The following SEMA3C variants were observed in gnomAD, a reference collection of about 807,000 sequenced individuals.
The protein encoded by SEMA3C is semaphorin 3C.
A neutral mutation model predicts 89.4 loss-of-function variants in SEMA3C; 47 were observed. That is an observed-to-expected ratio of 0.53 (90% confidence interval 0.42 to 0.67). The LOEUF (loss-of-function observed/expected upper bound fraction) is 0.67. Ranked by LOEUF, SEMA3C falls within the 30% of genes least tolerant of loss-of-function variation. The pLI is 0.00. For missense variants in SEMA3C, 839 were observed against 929.1 expected (o/e 0.90, Z 1.26); for synonymous variants, 310 against 320.2 (o/e 0.97, Z 0.34).
At chr7:80,775,208 C>A (rs958955880) in intron 12 of SEMA3C, among the ~76,000 whole-genome samples, 1 of 151,970 alleles carries the variant, frequency 6.6e-6, no homozygotes, top group African/African-American at 2.4e-5. Flanking sequence ...CTAAAGGATG[C>A]CTTTTAGTCT....
chr7:80,763,614 A>G (rs3807099), intron 13 of SEMA3C, among the ~76,000 whole-genome samples: 4,905 of 152,310 alleles, frequency 0.032, 113 homozygotes, highest in South Asian at 0.066. Context: ...GTTTCTTTCC[A>G]TAACATGTAT....
At chr7:80,810,207 T>C (rs1001223174) in intron 6 of SEMA3C, among the ~76,000 whole-genome samples, 1 of 151,996 alleles carries the variant, frequency 6.6e-6, no homozygotes, top group African/African-American at 2.4e-5. Flanking sequence ...TATAAATATA[T>C]ACAATTATTA....
chr7:80,918,152 G>T (rs889453535), intron 1 of SEMA3C: 3 of 152,080 alleles, frequency 2.0e-5, no homozygotes, highest in Non-Finnish European at 4.4e-5. Context: ...GATTTTATGG[G>T]TGACTTTCCC....
At chr7:80,908,142 C>T in intron 2 of SEMA3C, among the ~76,000 whole-genome samples, 1 of 152,122 alleles carries the variant, frequency 6.6e-6, no homozygotes, top group East Asian at 1.9e-4. Context: ...ATGTAATAGT[C>T]TGTATCATTT....
intron 7 of SEMA3C, 96 bp downstream of exon 7, chr7:80,805,543 T>A (rs945366023): frequency 5.8e-6 from 6 of 1,035,770 alleles, no homozygotes; most frequent in Non-Finnish European, 8.3e-6. Flanking sequence ...AGCCTGCTAT[T>A]TTAGTTTTTA....
intron 11 of SEMA3C, chr7:80,793,311 C>T: frequency 4.3e-6 from 1 of 230,692 alleles, no homozygotes; most frequent in South Asian, 4.9e-5. Flanking sequence ...TAAATATCTG[C>T]TGCCTTCTGA....
chr7:80,796,993 TCAA>T lies in SEMA3C; in HGVS notation c.1131+1096_1131+1098del, dbSNP rs536998520. On this transcript the variant is annotated intron_variant, in intron 11 of 17. Coordinates refer to ENST00000265361, the MANE Select transcript of SEMA3C (RefSeq NM_006379.5). ...ACTCTAATAAGAAAAATAAAATGAA[TCAA>T]CAATTAGTAAAAATTATATGGGATA... Among the ~76,000 whole-genome samples the T allele has an allele frequency of 1.1e-3, 161 of 152,006 alleles. 1 individual carries two copies. Among genetic ancestry groups the T allele is most frequent in the South Asian group, 7.0e-3 (34 of 4,824 alleles).
chr7:80,791,945 T>C (rs1788949542), intron 11 of SEMA3C, among the ~76,000 whole-genome samples: 1 of 152,166 alleles, frequency 6.6e-6, no homozygotes, highest in South Asian at 2.1e-4. Flanking sequence ...TTTGACCAGT[T>C]AACATTACCA....
rs369975410 is a variant in SEMA3C at position 80,904,582 on chromosome 7, G to T, written c.103+12097C>A. 8.5e-5 allele frequency among the ~76,000 whole-genome samples: 13 copies of T among 152,220 alleles called. No individual in the cohort carries two copies. The East Asian group carries it at 2.3e-3, about 27-fold the overall frequency. On this transcript the variant is annotated intron_variant, in intron 2 of 17. Transcript: ENST00000265361. ...GAGAATCTCAACTGTTGAGTAAGGGGGCTAAACTTTAATTTTTAGTAACGA... is the reference window on the plus strand; with the variant it reads ...GAGAATCTCAACTGTTGAGTAAGGGTGCTAAACTTTAATTTTTAGTAACGA...
At chr7:80,765,025 T>C in intron 13 of SEMA3C, 130 bp downstream of exon 13, 1 of 590,054 alleles carries the variant, frequency 1.7e-6, no homozygotes. Flanking sequence ...GGTGTTTTCC[T>C]ACCCTCAAAA....
At chr7:80,789,645 G>C in intron 11 of SEMA3C, 117 bp from the exon 12 acceptor site, 1 of 672,188 alleles carries the variant, frequency 1.5e-6, no homozygotes, top group Non-Finnish European at 2.5e-6. Flanking sequence ...AAGTATATCT[G>C]CTACCTATGG....
chr7:80,813,182 G>T (rs1206484326), intron 5 of SEMA3C, among the ~76,000 whole-genome samples: 1 of 151,960 alleles, frequency 6.6e-6, no homozygotes, highest in Admixed American at 6.6e-5. Context: ...TTGAATGTAT[G>T]ACTTTTTTCA....
rs562080014 is a variant in SEMA3C at position 80,891,553 on chromosome 7, G to C, written c.103+25126C>G. Among the ~76,000 whole-genome samples the C allele has an allele frequency of 2.0e-5, 3 of 151,824 alleles. No individual in the cohort carries two copies. The East Asian group carries it at 5.8e-4, about 29-fold the overall frequency. On this transcript the variant is annotated intron_variant, in intron 2 of 17. Coordinates refer to ENST00000265361, the MANE Select transcript of SEMA3C (RefSeq NM_006379.5). ...AAAAAAAAGTAAGGAAAAACAAGAA[G>C]ACATACATGCCCTTTCTTTGCACAC...
chr7:80,775,153 C>T (rs1443998573), intron 12 of SEMA3C, among the ~76,000 whole-genome samples: 1 of 151,556 alleles, frequency 6.6e-6, no homozygotes, highest in East Asian at 2.0e-4. Flanking sequence ...TCAATAAAAG[C>T]ATGGAAATTT....
intron 13 of SEMA3C, among the ~76,000 whole-genome samples, chr7:80,761,879 T>G (rs1788191480): frequency 6.6e-6 from 1 of 151,792 alleles, no homozygotes; most frequent in Admixed American, 6.6e-5. Context: ...GATATATACC[T>G]AAAATTTGAG....
intron 2 of SEMA3C, among the ~76,000 whole-genome samples, chr7:80,908,233 C>G (rs1163083090): frequency 6.6e-6 from 1 of 152,124 alleles, no homozygotes; most frequent in African/African-American, 2.4e-5. Flanking sequence ...GGACGTTCAA[C>G]TCCCCTTACT....
intron 8 of SEMA3C, 134 bp downstream of exon 8, chr7:80,803,972 G>A: frequency 1.3e-6 from 1 of 759,658 alleles, no homozygotes; most frequent in Non-Finnish European, 1.9e-6. Context: ...TAATAATGAT[G>A]ATGAATAAAT....
chr7:80,846,529 G>C (rs528714248), intron 2 of SEMA3C, among the ~76,000 whole-genome samples: 2 of 152,130 alleles, frequency 1.3e-5, no homozygotes, highest in South Asian at 4.1e-4. Flanking sequence ...GCCAATTTTT[G>C]TTTATTTGCT....
chr7:80,824,211 T>A (rs1052046861), intron 4 of SEMA3C, among the ~76,000 whole-genome samples: 2 of 152,202 alleles, frequency 1.3e-5, no homozygotes, highest in African/African-American at 4.8e-5. Context: ...TAACACTTTA[T>A]GTTTTGCTTA....
Sources: gnomAD v4.1 joint callset for allele counts (sites outside exome capture counted in the v4.1 genomes callset) on GRCh38, gnomAD v4.1.1 for gene constraint, MANE v1.5 for transcripts, NCBI Gene and HGNC (gene_info 2026-07-23, HGNC 2026-07-21) for gene names.